NOL9: variants seen among roughly 807,000 people sequenced by gnomAD.
NOL9 encodes polynucleotide 5'-hydroxyl-kinase NOL9.
Under a neutral mutation model 67.9 loss-of-function variants are expected in NOL9, and 28 were observed. That is an observed-to-expected ratio of 0.41 (90% confidence interval 0.31 to 0.57). The LOEUF is 0.57. NOL9 is among the 20% of genes least tolerant of loss of function. NOL9 has a pLI of 0.25. For missense variants in NOL9, 777 were observed against 897.0 expected (o/e 0.87, Z 1.71); for synonymous variants, 356 against 352.2 (o/e 1.01, Z -0.12).
chr1:6,546,186 AG>A (rs1185031023), intron 3 of NOL9, among the ~76,000 whole-genome samples: 1 of 151,830 alleles, frequency 6.6e-6, no homozygotes, highest in Non-Finnish European at 1.5e-5. Flanking sequence ...TGGGATAGGG[AG>A]GGAAGTATCC....
chr1:6,527,877 A>ACG (rs1477521620), intron 10 of NOL9, among the ~76,000 whole-genome samples: 9 of 152,006 alleles, frequency 5.9e-5, no homozygotes, highest in Non-Finnish European at 1.2e-4. Context: ...GTTGCAGTGA[A>ACG]CGGAGATCAC....
At chr1:6,545,919 CAAAAAAAAAAA>C (rs66980518) in intron 3 of NOL9, among the ~76,000 whole-genome samples, 12 of 59,686 alleles carry the variant, frequency 2.0e-4, no homozygotes, top group Admixed American at 1.7e-3. Flanking sequence ...GTCTGTGTCT[CAAAAAAAAAAA>C]AAAAAAAAAA....
chr1:6,532,677 A>G lies in NOL9; in HGVS notation c.1321T>C (p.Tyr441His), dbSNP rs1557784540. The change falls in exon 8 of 12, where the codon TAT (tyrosine) becomes CAT (histidine). Residue 441 changes from tyrosine (Y) to histidine (H), a missense_variant. This residue lies in a region of NOL9 where 413 missense variants were observed against 552.6 expected (regional missense o/e 0.75). Transcript: ENST00000377705. Reference protein sequence around the residue: ...VVQFRSDHSKYMPDLTPQYVD... With the variant: ...VVQFRSDHSKHMPDLTPQYVD... ...TACTGCGGGGTAAGGTCTGGCATAT[A>G]TTTACTGTGGTCAGAGCGGAACTGA... is the stretch of plus-strand genomic sequence containing the variant. 2 of 1,614,048 alleles carry G rather than the reference A, an allele frequency of 1.2e-6. No homozygotes were observed. The highest frequency in any genetic ancestry group is 1.3e-5 in the African/African-American group (1 of 74,910).
At chr1:6,527,516 G>A (rs1044978110) in intron 10 of NOL9, among the ~76,000 whole-genome samples, 12 of 151,628 alleles carry the variant, frequency 7.9e-5, no homozygotes, top group African/African-American at 2.4e-4. Flanking sequence ...GCATGGTGGC[G>A]CGCACCTGTA....
intron 6 of NOL9, among the ~76,000 whole-genome samples, chr1:6,533,857 G>A: frequency 6.6e-6 from 1 of 151,640 alleles, no homozygotes; most frequent in East Asian, 1.9e-4. Context: ...TCTGTTCTAA[G>A]AGGCCCTTCA....
chr1:6,546,943 C>T (rs965968070), intron 3 of NOL9, among the ~76,000 whole-genome samples: 1 of 152,218 alleles, frequency 6.6e-6, no homozygotes, highest in African/African-American at 2.4e-5. Context: ...GCCTCTACAG[C>T]CAGCGCTTTC....
chr1:6,551,141 T>A (rs1455985824), intron 1 of NOL9, among the ~76,000 whole-genome samples: 1 of 151,994 alleles, frequency 6.6e-6, no homozygotes, highest in Admixed American at 6.6e-5. Context: ...GTGAGACTTC[T>A]CCTTACAAAA....
intron 3 of NOL9, chr1:6,548,135 GTTCTTTTTTTTT>G: frequency 7.4e-6 from 1 of 134,610 alleles, no homozygotes; most frequent in South Asian, 2.1e-4. Flanking sequence ...GAGACTTAAA[GTTCTTTTTTTTT>G]TTTTTTTTTT....
At chr1:6,551,894 G>T (rs1245364627) in intron 1 of NOL9, among the ~76,000 whole-genome samples, 1 of 152,082 alleles carries the variant, frequency 6.6e-6, no homozygotes, top group Non-Finnish European at 1.5e-5. Flanking sequence ...ACTTAGCCAG[G>T]TGTGGTGGCG....
intron 6 of NOL9, among the ~76,000 whole-genome samples, chr1:6,540,330 G>T (rs964356626): frequency 2.6e-5 from 4 of 151,622 alleles, no homozygotes; most frequent in African/African-American, 9.7e-5. Context: ...CACCATGTTA[G>T]CCAGGATGGT....
At chr1:6,545,317 AC>A in intron 3 of NOL9, 137 bp from the exon 4 acceptor site, 1 of 799,282 alleles carries the variant, frequency 1.3e-6, no homozygotes, top group Non-Finnish European at 2.0e-6. Context: ...CCAAAATCCA[AC>A]CCATCAACAA....
At position 6,553,925 on chromosome 1, in the gene NOL9, G is replaced by A. The variant is rs567832253; in HGVS notation, c.396+182C>T. Among the ~76,000 whole-genome samples the A allele has an allele frequency of 2.0e-5, 3 of 152,316 alleles. No homozygotes were observed. In the South Asian group the frequency reaches 6.2e-4, roughly 32 times the overall value. On this transcript the variant is annotated intron_variant, in intron 1 of 11. Coordinates refer to ENST00000377705, the MANE Select transcript of NOL9 (RefSeq NM_024654.5). ...CTAGGGACCCCTTAGCAGGGTACCT[G>A]TTACCCTGCTGCTCAGGGGAGCCTA...
intron 11 of NOL9, among the ~76,000 whole-genome samples, 192 bp downstream of exon 11, chr1:6,526,501 ACAC>A (rs1192216747): frequency 2.6e-5 from 4 of 152,096 alleles, no homozygotes; most frequent in African/African-American, 9.7e-5. Context: ...CGCGACACTG[ACAC>A]CACGAGGGAC....
intron 11 of NOL9, among the ~76,000 whole-genome samples, chr1:6,526,242 G>A (rs894779322): frequency 2.0e-5 from 3 of 152,202 alleles, no homozygotes; most frequent in Admixed American, 1.3e-4. Context: ...GTGAGGCAGA[G>A]TGGGGGTGCA....
At chr1:6,527,634 CA>C (rs201930133) in intron 10 of NOL9, among the ~76,000 whole-genome samples, 4,135 of 51,002 alleles carry the variant, frequency 0.081, 80 homozygotes, top group Non-Finnish European at 0.14. Flanking sequence ...CAAAACAAAA[CA>C]AAACAAAAAA....
Position 6,554,097 on chromosome 1 carries a change from C to T in NOL9, c.396+10G>A, listed in dbSNP as rs986521235. 6.6e-7 allele frequency: 1 copy of T among 1,519,818 alleles called. No homozygotes were observed. The highest frequency in any genetic ancestry group is 8.8e-7 in the Non-Finnish European group (1 of 1,133,502). 94.1% of individuals were successfully genotyped at this position (1,519,818 alleles called of 1,614,324 possible). On this transcript the variant is annotated intron_variant, in intron 1 of 11. Transcript: ENST00000377705. ...GCCCTCGGGGACTACTACCGGCGCC[C>T]CCCACCTACCTGCTCGACCGGCAGC...
intron 6 of NOL9, among the ~76,000 whole-genome samples, chr1:6,535,214 T>C (rs1299773466): frequency 2.6e-5 from 4 of 152,164 alleles, no homozygotes; most frequent in Non-Finnish European, 4.4e-5. Context: ...ATATGCTAGC[T>C]CTGTGCACTG....
chr1:6,538,306 G>A (rs1639201043), intron 6 of NOL9, among the ~76,000 whole-genome samples: 1 of 152,114 alleles, frequency 6.6e-6, no homozygotes, highest in African/African-American at 2.4e-5. Context: ...TCTCATAAAG[G>A]ATTAATATAA....
chr1:6,528,848 G>T, intron 10 of NOL9, 146 bp downstream of exon 10: 1 of 675,274 alleles, frequency 1.5e-6, no homozygotes, highest in Non-Finnish European at 2.4e-6. Context: ...CTGGCCTCCA[G>T]CCCCTAAGGC....
Sources: allele counts gnomAD v4.1 joint callset (sites outside exome capture counted in the v4.1 genomes callset), GRCh38; gene constraint gnomAD v4.1.1; regional missense constraint gnomAD v4.1.1; transcripts MANE v1.5; gene names NCBI Gene and HGNC (gene_info 2026-07-23, HGNC 2026-07-21).